Variants in FEZ2 observed in about 807,000 individuals in gnomAD.
FEZ2 encodes the protein fasciculation and elongation protein zeta-2.
FEZ2 carries 51 observed loss-of-function variants against 40.4 expected under a neutral mutation model. The ratio of observed to expected loss-of-function variants is 1.26; its 90% CI spans 1.01 to 1.59. The LOEUF (loss-of-function observed/expected upper bound fraction) is 1.59. FEZ2 is among the 40% of genes most tolerant of loss of function. The pLI is 0.00. For missense variants in FEZ2, 640 were observed against 438.3 expected, an observed-to-expected ratio of 1.46 and a Z score of -4.11; for synonymous variants, 242 against 172.0, an observed-to-expected ratio of 1.41 and a Z score of -3.18.
At chr2:36,597,810 A>AC in intron 1 of FEZ2, 67 bp downstream of exon 1, 1 of 1,045,648 alleles carries the variant, frequency 9.6e-7, no homozygotes, top group Non-Finnish European at 1.2e-6. Context: ...CTGCGGCCGT[A>AC]GGGCTGCCGG....
rs1223040110 is a variant in FEZ2 at position 36,578,634 on chromosome 2, T to G, written c.866A>C (p.Gln289Pro). ...ATGACTTCTCTCATTCTTCCCATTC[T>G]GAGAGCTGCCATTTTTTAGTTTCTT... is the stretch of plus-strand genomic sequence containing the variant. ...KKKKLKNGSS[Q>P]NGKNERSHMP... The change falls in exon 5 of 8, where the codon CAG becomes CCG. Residue 289 changes from glutamine to proline, a missense_variant. Gln to Pro is a moderately conservative substitution (Grantham distance 76, BLOSUM62 -1). Coordinates refer to ENST00000405912, the MANE Select transcript of FEZ2 (RefSeq NM_005102.3). The G allele has an allele frequency of 6.2e-7, 1 of 1,613,544 alleles. No individual in the cohort carries two copies. The highest frequency in any genetic ancestry group is 8.5e-7 in the Non-Finnish European group (1 of 1,179,830).
intron 5 of FEZ2, among the ~76,000 whole-genome samples, chr2:36,567,965 G>C (rs1181805589): frequency 6.6e-6 from 1 of 152,252 alleles, no homozygotes; most frequent in South Asian, 2.1e-4. Flanking sequence ...CACCCTTTTG[G>C]AAGGCAAAAT....
intron 3 of FEZ2, among the ~76,000 whole-genome samples, chr2:36,582,999 A>G (rs903411366): frequency 2.0e-5 from 3 of 152,214 alleles, no homozygotes; most frequent in African/African-American, 7.2e-5. Context: ...TGAAGATACT[A>G]AATAATTTCT....
Position 36,591,252 on chromosome 2 carries a change from T to A in FEZ2, c.267-241A>T, listed in dbSNP as rs114310509. ...GTGAAGCCGTACAGAAAACTGCCAA[T>A]AGGCAGTAGGCAACACTTCCATTAT... On this transcript the variant is annotated intron_variant, in intron 1 of 7. Transcript: ENST00000405912. 3.8e-3 allele frequency: 1,943 copies of A among 507,528 alleles called. 28 individuals are homozygous for A. Among genetic ancestry groups the A allele is most frequent in the African/African-American group, 0.029 (1,509 of 51,894 alleles). 31.4% of individuals were successfully genotyped at this position (507,528 alleles called of 1,614,324 possible).
At chr2:36,562,160 C>T (rs770986148) in intron 5 of FEZ2, among the ~76,000 whole-genome samples, 32 of 152,154 alleles carry the variant, frequency 2.1e-4, no homozygotes, top group Non-Finnish European at 4.1e-4. Flanking sequence ...CAAAAATGCA[C>T]AGCAATGATA....
chr2:36,592,964 T>C (rs542625007), intron 1 of FEZ2, among the ~76,000 whole-genome samples: 49 of 152,382 alleles, frequency 3.2e-4, no homozygotes, highest in African/African-American at 1.0e-3. Context: ...TCTCCTCTAA[T>C]GCCAGTGAAG....
rs528549454 is a variant in FEZ2, at chr2:36,578,126, G to A, written c.903+471C>T. On this transcript the variant is annotated intron_variant, in intron 5 of 7. Transcript: ENST00000405912. ...TATTCCAACCTCACTGAAAAATCAGGAGGAACCTGTTTACAAACAATTTGT... is the reference window on the plus strand; with the variant it reads ...TATTCCAACCTCACTGAAAAATCAGAAGGAACCTGTTTACAAACAATTTGT... Among the ~76,000 whole-genome samples the A allele has an allele frequency of 7.5e-4, 114 of 152,278 alleles. 1 individual carries two copies. The highest frequency in any genetic ancestry group is 2.4e-3 in the African/African-American group (101 of 41,562).
intron 5 of FEZ2, among the ~76,000 whole-genome samples, chr2:36,571,382 C>T (rs369351149): frequency 3.3e-5 from 5 of 152,104 alleles, no homozygotes; most frequent in East Asian, 3.9e-4. Context: ...GTATCAGAGC[C>T]GGGCACGGTT....
intron 4 of FEZ2, among the ~76,000 whole-genome samples, chr2:36,580,928 C>A (rs929423840): frequency 2.6e-5 from 4 of 152,032 alleles, no homozygotes; most frequent in African/African-American, 9.7e-5. Flanking sequence ...CTAAGGCGGG[C>A]GGATCATGAG....
rs374774958 is a variant in FEZ2 at position 36,564,208 on chromosome 2, T to C, written c.904-5695A>G. On this transcript the variant is annotated intron_variant, in intron 5 of 7. Coordinates refer to ENST00000405912, the MANE Select transcript of FEZ2 (RefSeq NM_005102.3). ...TTCACTCTGCATGTTTAATGGCCAA[T>C]TGGACATCTGTACCTATTGTATGTT... 5.6e-4 allele frequency among the ~76,000 whole-genome samples: 86 copies of C among 152,326 alleles called. 3 individuals are homozygous for C. The East Asian group carries it at 6.4e-3, about 11-fold the overall frequency.
At chr2:36,554,554 TAAA>T (rs199946520) in intron 7 of FEZ2, among the ~76,000 whole-genome samples, 2 of 151,374 alleles carry the variant, frequency 1.3e-5, no homozygotes, top group Non-Finnish European at 3.0e-5. Context: ...TGTCAGGTAT[TAAA>T]AAAAAAATTT....
chr2:36,586,137 T>C (rs1425193255), intron 2 of FEZ2, among the ~76,000 whole-genome samples: 2 of 152,150 alleles, frequency 1.3e-5, no homozygotes, highest in Non-Finnish European at 2.9e-5. Context: ...ATTTCTATAC[T>C]GTAGAAGATG....
chr2:36,585,705 T>C (rs1219173194), intron 2 of FEZ2, among the ~76,000 whole-genome samples: 1 of 152,206 alleles, frequency 6.6e-6, no homozygotes, highest in African/African-American at 2.4e-5. Context: ...ATGGGTCAAC[T>C]GTGCACATTT....
rs574931171 is a variant in FEZ2 at position 36,597,998 on chromosome 2, C to A, written c.145G>T (p.Ala49Ser). The A allele has an allele frequency of 2.7e-6, 4 of 1,493,696 alleles. No individual in the cohort carries two copies. Among genetic ancestry groups the A allele is most frequent in the Non-Finnish European group, 8.9e-7 (1 of 1,127,436 alleles). The allele number at this position is 1,493,696 out of a possible 1,614,324, so 92.5% of individuals were successfully genotyped here. ...EAGGGADGFP[A>S]PACSLEEKLS... ...TTCTCCTCCAAGCTGCAGGCCGGGG[C>A]CGGGAAACCGTCGGCGCCCCCACCC... The change falls in exon 1 of 8, where the codon GCC (alanine) becomes TCC (serine). Residue 49 changes from alanine to serine, a missense_variant. By Grantham distance (99) the Ala-to-Ser change is moderately conservative. Coordinates refer to ENST00000405912, the MANE Select transcript of FEZ2 (RefSeq NM_005102.3).
At chr2:36,554,724 G>C (rs1667910242) in intron 7 of FEZ2, among the ~76,000 whole-genome samples, 1 of 152,184 alleles carries the variant, frequency 6.6e-6, no homozygotes, top group Non-Finnish European at 1.5e-5. Flanking sequence ...AGTGAAATGT[G>C]TGATTCACTT....
chr2:36,592,276 A>AT (rs139748075), intron 1 of FEZ2, among the ~76,000 whole-genome samples: 3,587 of 150,776 alleles, frequency 0.024, 151 homozygotes, highest in African/African-American at 0.083. Flanking sequence ...ATAAGAATGA[A>AT]TTTTTTTTTT....
intron 5 of FEZ2, chr2:36,560,883 C>T (rs758940921): frequency 1.4e-5 from 22 of 1,537,646 alleles, no homozygotes; most frequent in South Asian, 3.4e-5. Context: ...CGGCAATATA[C>T]GGCCCAGAAG....
chr2:36,587,278 G>C (rs1270871744), intron 2 of FEZ2, among the ~76,000 whole-genome samples: 1 of 152,124 alleles, frequency 6.6e-6, no homozygotes, highest in African/African-American at 2.4e-5. Flanking sequence ...CACAGAGATG[G>C]CATATGCTAA....
rs1163999550 is a variant in FEZ2 at position 36,555,961 on chromosome 2, A to G, written c.980-213T>C. On this transcript the variant is annotated intron_variant, in intron 6 of 7. Coordinates refer to ENST00000405912, the MANE Select transcript of FEZ2 (RefSeq NM_005102.3). ...AGTCCACAAGAATTTATTTTCGGTA[A>G]GAATATCCCACTTACCTGAGAGTTG... is the stretch of plus-strand genomic sequence containing the variant. 15 of 662,160 alleles carry G rather than the reference A, an allele frequency of 2.3e-5. No homozygotes were observed. In the East Asian group the frequency reaches 4.6e-4, roughly 20 times the overall value. The allele number at this position is 662,160 out of a possible 1,614,324, so 41.0% of individuals were successfully genotyped here.
Sources: allele counts gnomAD v4.1 joint callset (sites outside exome capture counted in the v4.1 genomes callset), GRCh38; gene constraint gnomAD v4.1.1; transcripts MANE v1.5; gene names NCBI Gene and HGNC (gene_info 2026-07-23, HGNC 2026-07-21).